STARD13: variants seen among roughly 807,000 people sequenced by gnomAD.
STARD13 encodes stAR-related lipid transfer protein 13.
A neutral mutation model predicts 106.4 loss-of-function variants in STARD13; 62 were observed. The ratio of observed to expected loss-of-function variants is 0.58; its 90% CI spans 0.48 to 0.72. The LOEUF is 0.72. STARD13 is among the 30% of genes least tolerant of loss of function. The pLI is 0.00. For synonymous variants in STARD13, 565 were observed against 553.0 expected (o/e 1.02, Z -0.31); for missense variants, 1,387 against 1,424.0 (o/e 0.97, Z 0.42).
intron 1 of STARD13, among the ~76,000 whole-genome samples, chr13:33,183,835 C>T (rs1182127525): frequency 1.3e-5 from 2 of 152,112 alleles, no homozygotes; most frequent in East Asian, 3.9e-4. Context: ...AACCCAATTC[C>T]CCCAGGCTGC....
chr13:33,328,328 G>A (rs925524305), intron 1 of STARD13, among the ~76,000 whole-genome samples: 1 of 152,200 alleles, frequency 6.6e-6, no homozygotes. Flanking sequence ...ACCCAGGCCA[G>A]AATCAGCTAA....
chr13:33,525,880 C>T, the STARD13 span, among the ~76,000 whole-genome samples: 1 of 152,120 alleles, frequency 6.6e-6, no homozygotes, highest in East Asian at 1.9e-4. Context: ...TAACAGTGGA[C>T]CTAAGTTCCT....
At chr13:33,561,428 T>A in the STARD13 span, among the ~76,000 whole-genome samples, 1 of 151,664 alleles carries the variant, frequency 6.6e-6, no homozygotes, top group Admixed American at 6.6e-5. Context: ...GTGATCACTT[T>A]TAGAAATAGT....
the STARD13 span, among the ~76,000 whole-genome samples, chr13:33,618,722 C>T: frequency 6.6e-6 from 1 of 152,038 alleles, no homozygotes; most frequent in South Asian, 2.1e-4. Flanking sequence ...GGTAAGGAAA[C>T]GTCAGATGAG....
chr13:33,329,971 T>G (rs1317633706), intron 1 of STARD13, among the ~76,000 whole-genome samples: 1 of 152,224 alleles, frequency 6.6e-6, no homozygotes, highest in African/African-American at 2.4e-5. Flanking sequence ...CCCAAAGTGC[T>G]GGGATTACAG....
chr13:33,220,623 C>T (rs1359307006), intron 1 of STARD13, among the ~76,000 whole-genome samples: 7 of 152,078 alleles, frequency 4.6e-5, no homozygotes, highest in African/African-American at 1.2e-4. Context: ...ACCTGGGAGG[C>T]GGAGGTTGCA....
chr13:33,234,799 T>C (rs755862178), intron 1 of STARD13, among the ~76,000 whole-genome samples: 11 of 152,180 alleles, frequency 7.2e-5, no homozygotes, highest in Non-Finnish European at 1.3e-4. Flanking sequence ...TAGAAGGTTG[T>C]AAAAAATTGC....
intron 1 of STARD13, among the ~76,000 whole-genome samples, chr13:33,227,408 A>C (rs1888682596): frequency 6.6e-6 from 1 of 152,206 alleles, no homozygotes; most frequent in South Asian, 2.1e-4. Flanking sequence ...AATACTTTGT[A>C]AGTTAAATCT....
At chr13:33,558,738 A>G in the STARD13 span, among the ~76,000 whole-genome samples, 10 of 149,924 alleles carry the variant, frequency 6.7e-5, no homozygotes, top group South Asian at 1.7e-3. Context: ...TTATAAATAC[A>G]ATAAGAAGTC....
chr13:33,473,399 A>G, the STARD13 span, among the ~76,000 whole-genome samples: 5 of 152,350 alleles, frequency 3.3e-5, no homozygotes, highest in African/African-American at 9.6e-5. Flanking sequence ...GAAGCCATAT[A>G]TGTGTTACTG....
the STARD13 span, among the ~76,000 whole-genome samples, chr13:33,382,766 C>G: frequency 1.3e-5 from 2 of 152,086 alleles, no homozygotes; most frequent in African/African-American, 4.8e-5. Context: ...AACATGATTA[C>G]ATTGGTAACA....
At chr13:33,153,284 A>G (rs77326613) in intron 3 of STARD13, among the ~76,000 whole-genome samples, 2,252 of 152,306 alleles carry the variant, frequency 0.015, 54 homozygotes, top group African/African-American at 0.051. Context: ...AAATTGGTAG[A>G]AAGTCCCTTG....
At position 33,302,572 on chromosome 13, in the gene STARD13, C is replaced by T. The variant is rs556786440; in HGVS notation, c.124+47718G>A. ...GCTGGGACCACAGGCGTGTGCCACC[C>T]CCACCATACCTAGCTAATGTTTGTA... On this transcript the variant is annotated intron_variant, in intron 1 of 5. Transcript: ENST00000567873. Among the ~76,000 whole-genome samples, 11 of 152,110 alleles carry T rather than the reference C, an allele frequency of 7.2e-5. No homozygotes were observed. In the South Asian group the frequency reaches 1.2e-3, roughly 17 times the overall value.
At chr13:33,152,684 T>A (rs1363471723) in intron 3 of STARD13, among the ~76,000 whole-genome samples, 11 of 152,102 alleles carry the variant, frequency 7.2e-5, no homozygotes, top group Admixed American at 7.2e-4. Context: ...ACATACCTCC[T>A]CCGATGTCAA....
chr13:33,375,734 G>A, the STARD13 span, among the ~76,000 whole-genome samples: 2 of 152,148 alleles, frequency 1.3e-5, no homozygotes, highest in South Asian at 4.2e-4. Flanking sequence ...CCTCCCACTG[G>A]ATCTCTCCCA....
the STARD13 span, among the ~76,000 whole-genome samples, chr13:33,555,499 A>G: frequency 6.6e-6 from 1 of 152,234 alleles, no homozygotes; most frequent in Non-Finnish European, 1.5e-5. Context: ...TGTTTTTATT[A>G]TAAATTTCAA....
chr13:33,334,257 G>T (rs749999444), intron 1 of STARD13, among the ~76,000 whole-genome samples: 6 of 152,150 alleles, frequency 3.9e-5, no homozygotes, highest in Non-Finnish European at 8.8e-5. Flanking sequence ...ACAGCAGAGG[G>T]TGAAAGACTT....
chr13:33,663,909 A>G, the STARD13 span, among the ~76,000 whole-genome samples: 3 of 152,100 alleles, frequency 2.0e-5, no homozygotes, highest in African/African-American at 7.2e-5. Flanking sequence ...ATGCTGTGGC[A>G]CCGTTCCTCC....
rs145894385 is a variant in STARD13, at chr13:33,299,063, GT to G, written c.124+51226del. ...CCGTACTTTTTCTATGCTTAGATATGTTTAGATACATAAATGCTTACCATTG... is the reference window on the plus strand; with the variant it reads ...CCGTACTTTTTCTATGCTTAGATATGTTAGATACATAAATGCTTACCATTG... On this transcript the variant is annotated intron_variant, in intron 1 of 5. Coordinates refer to the STARD13 transcript ENST00000567873. Among the ~76,000 whole-genome samples the G allele has an allele frequency of 5.0e-3, 762 of 152,294 alleles. 4 individuals are homozygous for G. Among genetic ancestry groups the G allele is most frequent in the African/African-American group, 0.018 (732 of 41,560 alleles).
Sources: allele counts gnomAD v4.1 joint callset (sites outside exome capture counted in the v4.1 genomes callset), GRCh38; gene constraint gnomAD v4.1.1; transcripts MANE v1.5; gene names NCBI Gene and HGNC (gene_info 2026-07-23, HGNC 2026-07-21).